GLDC: variants seen among roughly 807,000 people sequenced by gnomAD.
The protein encoded by GLDC is glycine decarboxylase.
Under a neutral mutation model 121.3 loss-of-function variants are expected in GLDC, and 104 were observed. The ratio of observed to expected loss-of-function variants is 0.86; its 90% CI spans 0.73 to 1.01. The LOEUF is 1.01. GLDC is among the 50% of genes least tolerant of loss of function. The pLI, the probability that GLDC is intolerant of heterozygous loss-of-function variation, is 0.00. For missense variants in GLDC, 1,429 were observed against 1,306.6 expected, an observed-to-expected ratio of 1.09 and a Z score of -1.44; for synonymous variants, 546 against 480.6, an observed-to-expected ratio of 1.14 and a Z score of -1.78.
intron 24 of GLDC, among the ~76,000 whole-genome samples, chr9:6,533,554 G>A (rs1156985175): frequency 6.6e-6 from 1 of 152,020 alleles, no homozygotes; most frequent in East Asian, 1.9e-4. Context: ...ATACAATTCA[G>A]TTGATTTAAA....
intron 21 of GLDC, among the ~76,000 whole-genome samples, chr9:6,545,706 T>A (rs1164300088): frequency 6.6e-6 from 1 of 152,176 alleles, no homozygotes; most frequent in African/African-American, 2.4e-5. Flanking sequence ...AGTGGCGCAA[T>A]CTCGGCTCAC....
At chr9:6,611,884 A>G (rs998257246) in intron 3 of GLDC, among the ~76,000 whole-genome samples, 2 of 152,192 alleles carry the variant, frequency 1.3e-5, no homozygotes, top group Admixed American at 1.3e-4. Context: ...AAGTAAAATG[A>G]AAGTTTTTTA....
At chr9:6,606,371 G>A (rs1189910951) in intron 5 of GLDC, among the ~76,000 whole-genome samples, 3 of 151,416 alleles carry the variant, frequency 2.0e-5, no homozygotes, top group African/African-American at 7.3e-5. Context: ...TAAAGCAATG[G>A]CAATTGTGTA....
At chr9:6,555,051 G>T in intron 18 of GLDC, 1 of 514,376 alleles carries the variant, frequency 1.9e-6, no homozygotes, top group Non-Finnish European at 3.5e-6. Flanking sequence ...TGAATACACA[G>T]TCTCTTCCTA....
intron 15 of GLDC, among the ~76,000 whole-genome samples, chr9:6,586,528 C>G (rs1053764257): frequency 1.3e-5 from 2 of 152,146 alleles, no homozygotes; most frequent in Non-Finnish European, 2.9e-5. Flanking sequence ...AGTGACATTA[C>G]CAAAGCAGGA....
At chr9:6,548,170 G>A (rs962378168) in intron 21 of GLDC, among the ~76,000 whole-genome samples, 14 of 152,114 alleles carry the variant, frequency 9.2e-5, no homozygotes, top group African/African-American at 3.4e-4. Flanking sequence ...ACAAAGAGGA[G>A]AAGAAATACA....
At chr9:6,557,365 G>A (rs1384819748) in intron 17 of GLDC, among the ~76,000 whole-genome samples, 1 of 152,158 alleles carries the variant, frequency 6.6e-6, no homozygotes, top group Non-Finnish European at 1.5e-5. Context: ...GGAGGCTGAG[G>A]CGGGCGGATC....
At chr9:6,610,467 G>T (rs953119955) in intron 3 of GLDC, 111 bp from the exon 4 acceptor site, 5 of 990,158 alleles carry the variant, frequency 5.0e-6, no homozygotes, top group Admixed American at 3.9e-5. Flanking sequence ...ATCTTGAGGA[G>T]AATTACATAA....
intron 20 of GLDC, among the ~76,000 whole-genome samples, chr9:6,552,579 CCA>C (rs1462244460): frequency 6.6e-6 from 1 of 152,114 alleles, no homozygotes; most frequent in Non-Finnish European, 1.5e-5. Context: ...ACAGTCAGCT[CCA>C]CAGAGTCCTC....
intron 8 of GLDC, among the ~76,000 whole-genome samples, chr9:6,596,903 C>T (rs1563853186): frequency 6.6e-6 from 1 of 152,174 alleles, no homozygotes; most frequent in Non-Finnish European, 1.5e-5. Context: ...ACCAAAAGAA[C>T]TGAAAACATT....
chr9:6,582,664 C>T (rs1199138933), intron 15 of GLDC, among the ~76,000 whole-genome samples: 3 of 151,834 alleles, frequency 2.0e-5, no homozygotes, highest in Non-Finnish European at 2.9e-5. Context: ...CCTGTCTCTA[C>T]TAAAAATACA....
chr9:6,596,340 C>A (rs1818493890), intron 8 of GLDC, among the ~76,000 whole-genome samples: 2 of 152,108 alleles, frequency 1.3e-5, no homozygotes, highest in Non-Finnish European at 1.5e-5. Flanking sequence ...AAGTATAAAA[C>A]CACTTTTTAA....
At chr9:6,605,506 C>T (rs1818711930) in intron 5 of GLDC, 2 of 584,140 alleles carry the variant, frequency 3.4e-6, no homozygotes, top group Non-Finnish European at 6.3e-6. Flanking sequence ...TCTGACTCCC[C>T]TTTGCCCTTT....
rs1818393677 is a variant in GLDC at position 6,592,451 on chromosome 9, G to A, written c.1402-228C>T. Among the ~76,000 whole-genome samples, 3 of 152,136 alleles carry A rather than the reference G, an allele frequency of 2.0e-5. 1 individual carries two copies. Among genetic ancestry groups the A allele is most frequent in the South Asian group, 4.1e-4 (2 of 4,830 alleles). The stretch of plus-strand genomic sequence containing the variant: ...CACCTCTGAACTCTAACATTCCATG[G>A]CTGCAGGACACTCCTTTTGAAGCTA... On this transcript the variant is annotated intron_variant, in intron 10 of 24. Coordinates refer to ENST00000321612, the MANE Select transcript of GLDC (RefSeq NM_000170.3).
At chr9:6,567,990 C>A (rs879607590) in intron 15 of GLDC, among the ~76,000 whole-genome samples, 5 of 152,166 alleles carry the variant, frequency 3.3e-5, no homozygotes, top group Admixed American at 1.3e-4. Flanking sequence ...GAATGTCATC[C>A]TTTCCCCTAC....
intron 21 of GLDC, among the ~76,000 whole-genome samples, chr9:6,543,242 T>C (rs542766098): frequency 6.6e-6 from 1 of 152,110 alleles, no homozygotes; most frequent in East Asian, 1.9e-4. Context: ...GTGACTGTAC[T>C]CCAGCCTGGG....
At chr9:6,607,747 G>A (rs1176822414) in intron 4 of GLDC, among the ~76,000 whole-genome samples, 1 of 151,630 alleles carries the variant, frequency 6.6e-6, no homozygotes, top group African/African-American at 2.4e-5. Flanking sequence ...AGGTTCAAGT[G>A]CTCCTTCCAC....
At chr9:6,556,427 G>C (rs1563835945) in intron 17 of GLDC, 125 bp from the exon 18 acceptor site, 1 of 781,538 alleles carries the variant, frequency 1.3e-6, no homozygotes, top group Non-Finnish European at 2.2e-6. Context: ...TCCTGGAACT[G>C]TCTCAAAGTA....
intron 2 of GLDC, among the ~76,000 whole-genome samples, chr9:6,639,876 C>G (rs1169975963): frequency 6.6e-6 from 1 of 152,078 alleles, no homozygotes; most frequent in African/African-American, 2.4e-5. Flanking sequence ...TCTCTAGTGA[C>G]AATCCAGGAA....
Sources: gnomAD v4.1 joint callset for allele counts (sites outside exome capture counted in the v4.1 genomes callset) on GRCh38, gnomAD v4.1.1 for gene constraint, MANE v1.5 for transcripts, NCBI Gene and HGNC (gene_info 2026-07-23, HGNC 2026-07-21) for gene names.